Variants in SESTD1 observed in about 807,000 individuals in gnomAD.
SESTD1 encodes SEC14 and spectrin domain containing 1.
Under a neutral mutation model 101.7 loss-of-function variants are expected in SESTD1, and 43 were observed. The observed-to-expected ratio is 0.42, with a 90% confidence interval of 0.33 to 0.55. The LOEUF is 0.55. SESTD1 is among the 20% of genes least tolerant of loss of function. The pLI, the probability that SESTD1 is intolerant of heterozygous loss-of-function variation, is 0.07. For synonymous variants in SESTD1, 283 were observed against 286.8 expected, an observed-to-expected ratio of 0.99 and a Z score of 0.13; for missense variants, 647 against 815.1, an observed-to-expected ratio of 0.79 and a Z score of 2.51.
chr2:179,143,640 T>C lies in SESTD1; in HGVS notation c.801A>G (p.Gln267=), dbSNP rs746788489. The part of the protein sequence containing the change: ...QYTRYQEVCR[Q]RSKRTQLEEI... Reference sequence around the variant, plus strand: ...CTTCTAACTGTGTGCGCTTGCTACGTTGCCTACAAACTTCCTGGTAGCGGG... The same window carrying C: ...CTTCTAACTGTGTGCGCTTGCTACGCTGCCTACAAACTTCCTGGTAGCGGG... The change falls in exon 9 of 18, where the codon CAA becomes CAG. Residue 267 remains glutamine, a synonymous_variant. Coordinates refer to ENST00000428443, the MANE Select transcript of SESTD1 (RefSeq NM_178123.5). 34 of 1,613,906 alleles carry C rather than the reference T, an allele frequency of 2.1e-5. No individual in the cohort carries two copies. The highest frequency in any genetic ancestry group is 1.3e-5 in the African/African-American group (1 of 74,926).
intron 1 of SESTD1, among the ~76,000 whole-genome samples, chr2:179,231,387 G>C (rs564889917): frequency 5.1e-4 from 77 of 151,870 alleles, no homozygotes; most frequent in East Asian, 7.7e-4. Flanking sequence ...AAGAATTATA[G>C]GACACCATTA....
At chr2:179,113,519 TGAGA>T (rs1239786692) in intron 16 of SESTD1, among the ~76,000 whole-genome samples, 6 of 152,278 alleles carry the variant, frequency 3.9e-5, no homozygotes, top group East Asian at 1.9e-4. Context: ...CTGCAAAATT[TGAGA>T]GAGAGAATAA....
In SESTD1 at chr2:179,138,870, C is replaced by CAAAAAAAAA. The variant is rs61703699; in HGVS notation, c.849+4713_849+4721dup. On this transcript the variant is annotated intron_variant, in intron 9 of 17. Coordinates refer to ENST00000428443, the MANE Select transcript of SESTD1 (RefSeq NM_178123.5). ...TGGGTAATAGACTGAAACCCTGTCT[C>CAAAAAAAAA]AAAAAAAAAAAAAAAAAAAAAAAAA... Among the ~76,000 whole-genome samples, 119 of 65,540 alleles carry CAAAAAAAAA rather than the reference C, an allele frequency of 1.8e-3. 1 individual carries two copies. The highest frequency in any genetic ancestry group is 4.8e-3 in the African/African-American group (109 of 22,868). 43.0% of individuals were successfully genotyped at this position (65,540 alleles called of 152,430 possible). A position where few individuals can be genotyped will look rare whatever the true frequency, so the allele number is the denominator to read the frequency against.
At chr2:179,255,696 T>G (rs781278320) in intron 1 of SESTD1, among the ~76,000 whole-genome samples, 1 of 152,216 alleles carries the variant, frequency 6.6e-6, no homozygotes, top group East Asian at 1.9e-4. Flanking sequence ...GCTAAGATAA[T>G]TGATGAAGGT....
intron 1 of SESTD1, among the ~76,000 whole-genome samples, chr2:179,210,729 A>T (rs1574038357): frequency 7.4e-6 from 1 of 135,024 alleles, no homozygotes; most frequent in East Asian, 2.0e-4. Flanking sequence ...CCAACATTAT[A>T]CTGAACAGGG....
intron 1 of SESTD1, among the ~76,000 whole-genome samples, chr2:179,231,194 C>A (rs1237322331): frequency 6.6e-6 from 1 of 152,056 alleles, no homozygotes; most frequent in South Asian, 2.1e-4. Context: ...CTATATCTAA[C>A]CAATAGGTAA....
intron 1 of SESTD1, among the ~76,000 whole-genome samples, chr2:179,197,524 G>C (rs1198462456): frequency 1.3e-5 from 2 of 152,174 alleles, no homozygotes; most frequent in Non-Finnish European, 2.9e-5. Context: ...CACCAAAGTT[G>C]AAATGAAGGA....
rs1385915448 is a variant in SESTD1 at position 179,216,094 on chromosome 2, TC to T, written c.-25-24229del. 1.5e-5 allele frequency among the ~76,000 whole-genome samples: 2 copies of T among 135,000 alleles called. 1 individual carries two copies. The highest frequency in any genetic ancestry group is 3.2e-5 in the Non-Finnish European group (2 of 62,822). The allele number at this position is 135,000 out of a possible 152,430, so 88.6% of individuals were successfully genotyped here. On this transcript the variant is annotated intron_variant, in intron 1 of 17. Coordinates refer to ENST00000428443, the MANE Select transcript of SESTD1 (RefSeq NM_178123.5). ...ACCTGCACAAGACAAGGATGCCCTCTCTCACCACTCCTATTCAACACAGCGT... is the reference window on the plus strand; with the variant it reads ...ACCTGCACAAGACAAGGATGCCCTCTTCACCACTCCTATTCAACACAGCGT...
chr2:179,201,544 C>T lies in SESTD1; in HGVS notation c.-25-9678G>A, dbSNP rs1004065608. On this transcript the variant is annotated intron_variant, in intron 1 of 17. Coordinates refer to ENST00000428443, the MANE Select transcript of SESTD1 (RefSeq NM_178123.5). ...AACCCAAATGTCCAACAATGATAGA[C>T]TGGATTAAGAAAATGTGGCACATAT... 5.3e-5 allele frequency among the ~76,000 whole-genome samples: 7 copies of T among 132,210 alleles called. 3 individuals carry two copies. Among genetic ancestry groups the T allele is most frequent in the African/African-American group, 2.1e-4 (7 of 32,658 alleles). The allele number at this position is 132,210 out of a possible 152,430, so 86.7% of individuals were successfully genotyped here.
At chr2:179,118,049 T>C (rs887873417) in intron 13 of SESTD1, among the ~76,000 whole-genome samples, 2 of 152,138 alleles carry the variant, frequency 1.3e-5, no homozygotes, top group African/African-American at 2.4e-5. Context: ...TAGCTCACTA[T>C]AACCTCAAAC....
intron 1 of SESTD1, among the ~76,000 whole-genome samples, chr2:179,235,997 C>T (rs1357682332): frequency 6.6e-6 from 1 of 152,110 alleles, no homozygotes; most frequent in Non-Finnish European, 1.5e-5. Flanking sequence ...GAAACCTTCC[C>T]TGACACAACA....
intron 13 of SESTD1, among the ~76,000 whole-genome samples, chr2:179,119,519 G>T (rs1226646696): frequency 6.6e-6 from 1 of 152,182 alleles, no homozygotes; most frequent in African/African-American, 2.4e-5. Flanking sequence ...GGAGGAGCCT[G>T]GTGGGATGTG....
At position 179,115,211 on chromosome 2, in the gene SESTD1, A is replaced by C; in HGVS notation, c.1693T>G (p.Leu565Val). The C allele has an allele frequency of 6.2e-7, 1 of 1,613,290 alleles. No homozygotes were observed. The highest frequency in any genetic ancestry group is 8.5e-7 in the Non-Finnish European group (1 of 1,179,834). Residue 565 changes from leucine (L) to valine (V), a missense_variant, in exon 16 of 18, where the codon TTA (leucine) becomes GTA (valine). Leu to Val is a conservative substitution (Grantham distance 32, BLOSUM62 1). Transcript: ENST00000428443. ...GAAGTGCAGCGCAAAGATTGGCATA[A>C]CACAACTGTGGCCTGTAGCAACTGC... ...GRQLLQATVVLCQSLRCTSRS... is the reference protein window; with the variant it reads ...GRQLLQATVVVCQSLRCTSRS...
intron 1 of SESTD1, among the ~76,000 whole-genome samples, chr2:179,246,005 G>A (rs1314436577): frequency 6.6e-6 from 1 of 151,986 alleles, no homozygotes; most frequent in Non-Finnish European, 1.5e-5. Context: ...GCCTATAATC[G>A]CAACACTTTG....
intron 7 of SESTD1, among the ~76,000 whole-genome samples, chr2:179,147,802 A>T (rs1055424739): frequency 2.6e-5 from 4 of 152,204 alleles, no homozygotes; most frequent in Admixed American, 1.3e-4. Flanking sequence ...TCATGGACTC[A>T]TTTTCTATAG....
At chr2:179,178,422 G>T (rs2046048605) in intron 3 of SESTD1, among the ~76,000 whole-genome samples, 1 of 152,138 alleles carries the variant, frequency 6.6e-6, no homozygotes, top group Non-Finnish European at 1.5e-5. Flanking sequence ...CTTGAGCCAA[G>T]GAGTTTGAGG....
intron 1 of SESTD1, among the ~76,000 whole-genome samples, chr2:179,201,709 T>G: frequency 8.9e-6 from 1 of 112,736 alleles, no homozygotes; most frequent in Non-Finnish European, 1.8e-5. Context: ...CACTCATAGG[T>G]GGGAACTGAA....
At chr2:179,218,805 G>A (rs1367579042) in intron 1 of SESTD1, among the ~76,000 whole-genome samples, 5 of 152,130 alleles carry the variant, frequency 3.3e-5, no homozygotes, top group Non-Finnish European at 7.3e-5. Flanking sequence ...CAGAGACCAC[G>A]TCATTTATTT....
chr2:179,239,072 A>C (rs1347725072), intron 1 of SESTD1, among the ~76,000 whole-genome samples: 3 of 152,172 alleles, frequency 2.0e-5, no homozygotes, highest in African/African-American at 7.2e-5. Flanking sequence ...TTTATTATCT[A>C]TATTTGTGCC....
Sources: allele counts gnomAD v4.1 joint callset (sites outside exome capture counted in the v4.1 genomes callset), GRCh38; gene constraint gnomAD v4.1.1; transcripts MANE v1.5; gene names NCBI Gene and HGNC (gene_info 2026-07-23, HGNC 2026-07-21).